MTIF2: variants seen among roughly 807,000 people sequenced by gnomAD.
MTIF2 encodes the protein mitochondrial translational initiation factor 2.
In MTIF2, 71 loss-of-function variants were observed where a neutral mutation model predicts 83.5. That is an observed-to-expected ratio of 0.85 (90% confidence interval 0.70 to 1.04). The LOEUF is 1.04. MTIF2 is among the 50% of genes least tolerant of loss of function. The pLI is 0.00. For missense variants in MTIF2, 957 were observed against 846.5 expected, an observed-to-expected ratio of 1.13 and a Z score of -1.62; for synonymous variants, 319 against 287.1, an observed-to-expected ratio of 1.11 and a Z score of -1.12.
At chr2:55,239,957 AT>A (rs1338381908) in intron 14 of MTIF2, 53 bp downstream of exon 14, 11 of 1,498,052 alleles carry the variant, frequency 7.3e-6, no homozygotes, top group Non-Finnish European at 9.1e-7. Flanking sequence ...TTGAAGTGCT[AT>A]TTATAGCACC....
chr2:55,241,107 T>G (rs188143638), intron 13 of MTIF2, among the ~76,000 whole-genome samples: 2 of 152,082 alleles, frequency 1.3e-5, no homozygotes, highest in South Asian at 2.1e-4. Flanking sequence ...ACTCTTGTCT[T>G]AAACAAAATG....
rs1213603899 is a variant in MTIF2 at position 55,254,827 on chromosome 2, T to G, written c.332-2A>C. On this transcript the variant is annotated splice_acceptor_variant, in intron 5 of 15. Transcript: ENST00000263629. LOFTEE classifies it high-confidence loss of function. ...TCAATAAAGCTTCATATACATAATCTGATTGGAATAAAATAAAACCTTTTA... is the reference window on the plus strand; with the variant it reads ...TCAATAAAGCTTCATATACATAATCGGATTGGAATAAAATAAAACCTTTTA... The G allele has an allele frequency of 2.6e-5, 40 of 1,546,064 alleles. No individual in the cohort carries two copies. The highest frequency in any genetic ancestry group is 3.4e-5 in the Non-Finnish European group (39 of 1,149,728).
At chr2:55,264,719 A>C (rs953626597) in intron 3 of MTIF2, among the ~76,000 whole-genome samples, 1 of 152,198 alleles carries the variant, frequency 6.6e-6, no homozygotes, top group African/African-American at 2.4e-5. Flanking sequence ...CCCTAAAAAA[A>C]GATGCTTTAT....
At chr2:55,248,095 GC>G (rs980941091) in intron 9 of MTIF2, among the ~76,000 whole-genome samples, 1 of 152,066 alleles carries the variant, frequency 6.6e-6, no homozygotes, top group African/African-American at 2.4e-5. Flanking sequence ...TCATCATGTT[GC>G]CCAGGCTGGT....
chr2:55,264,708 C>A (rs1423089190), intron 3 of MTIF2, among the ~76,000 whole-genome samples: 2 of 151,966 alleles, frequency 1.3e-5, no homozygotes, highest in East Asian at 1.9e-4. Context: ...CCCATCTCAC[C>A]CCCTAAAAAA....
intron 10 of MTIF2, among the ~76,000 whole-genome samples, chr2:55,245,291 G>A (rs1676610252): frequency 6.6e-6 from 1 of 152,160 alleles, no homozygotes; most frequent in Non-Finnish European, 1.5e-5. Context: ...GGAGGCTGAG[G>A]CGGTTGGATC....
chr2:55,262,285 A>G (rs1678063513), intron 5 of MTIF2, 31 bp downstream of exon 5: 2 of 1,458,112 alleles, frequency 1.4e-6, no homozygotes, highest in African/African-American at 1.4e-5. Flanking sequence ...CAACATTCCC[A>G]TATTTTGCTT....
intron 3 of MTIF2, among the ~76,000 whole-genome samples, 161 bp downstream of exon 3, chr2:55,267,408 C>G (rs1678519392): frequency 6.6e-6 from 1 of 152,178 alleles, no homozygotes; most frequent in Non-Finnish European, 1.5e-5. Flanking sequence ...ATCTATCCGC[C>G]TTGGCCTCCC....
intron 8 of MTIF2, among the ~76,000 whole-genome samples, chr2:55,251,632 CT>C (rs1430410819): frequency 6.6e-6 from 1 of 151,860 alleles, no homozygotes; most frequent in African/African-American, 2.4e-5. Flanking sequence ...GAATGTGTAA[CT>C]TTTTTTTGAG....
At chr2:55,251,664 C>G (rs1677102771) in intron 8 of MTIF2, among the ~76,000 whole-genome samples, 1 of 152,144 alleles carries the variant, frequency 6.6e-6, no homozygotes, top group Non-Finnish European at 1.5e-5. Flanking sequence ...GCTTTTGTTG[C>G]CCAGGCTGGA....
chr2:55,240,320 C>A (rs1471908904), intron 13 of MTIF2, 145 bp from the exon 14 acceptor site: 3 of 724,384 alleles, frequency 4.1e-6, no homozygotes, highest in East Asian at 2.9e-5. Context: ...GTGGCTCACG[C>A]CTGTAATCCC....
At chr2:55,237,944 C>T (rs1480055449) in intron 14 of MTIF2, among the ~76,000 whole-genome samples, 1 of 152,170 alleles carries the variant, frequency 6.6e-6, no homozygotes, top group Non-Finnish European at 1.5e-5. Flanking sequence ...AGCCACTGCA[C>T]CCAGCCATCT....
In MTIF2 at chr2:55,249,421, G is replaced by A. The variant is rs201074119; in HGVS notation, c.955C>T (p.Gln319Ter). Residue 319 changes from glutamine (Q) to a stop codon, truncating the protein, a stop_gained, in exon 9 of 16, where the codon CAA becomes TAA. Transcript: ENST00000263629. LOFTEE classifies it high-confidence loss of function. ...GTAAGTGCGGAGACAGGCACTGCTT[G>A]AACATCACCTCCATAATCTTCACAT... ...VVCEDYGGDVQAVPVSALTGD... is the reference protein window; with the variant it reads ...VVCEDYGGDV The A allele has an allele frequency of 6.2e-7, 1 of 1,614,128 alleles. No individual in the cohort carries two copies. Among genetic ancestry groups the A allele is most frequent in the African/African-American group, 1.3e-5 (1 of 75,038 alleles).
chr2:55,246,571 C>A, intron 9 of MTIF2, 110 bp from the exon 10 acceptor site: 1 of 887,344 alleles, frequency 1.1e-6, no homozygotes, highest in Non-Finnish European at 1.7e-6. Context: ...ATACTTTTCT[C>A]TTTAATCATT....
chr2:55,237,138 A>G, intron 15 of MTIF2, 150 bp downstream of exon 15: 3 of 918,682 alleles, frequency 3.3e-6, no homozygotes, highest in East Asian at 5.1e-5. Flanking sequence ...GAACCCATCA[A>G]CTACAGACAA....
In MTIF2 at chr2:55,267,631, G is replaced by C. The variant is rs1274315655; in HGVS notation, c.-70C>G. On this transcript the variant is annotated 5_prime_UTR_variant, in exon 3 of 16. It adds an upstream start codon to the 5' untranslated region. Transcript: ENST00000263629. Reference sequence around the variant, plus strand: ...TGTTTCCTATGGGCCTCATTTTCCGGATCTCTGTTAAAAATAAATAAATAA... The same window carrying C: ...TGTTTCCTATGGGCCTCATTTTCCGCATCTCTGTTAAAAATAAATAAATAA... 1.9e-4 allele frequency: 32 copies of C among 165,542 alleles called. No homozygotes were observed. The Admixed American group carries it at 2.1e-3, about 11-fold the overall frequency. 10.3% of individuals were successfully genotyped at this position (165,542 alleles called of 1,614,324 possible). A position where few individuals can be genotyped will look rare whatever the true frequency, so the allele number is the denominator to read the frequency against.
intron 14 of MTIF2, among the ~76,000 whole-genome samples, chr2:55,238,394 T>TTG (rs1333545605): frequency 2.1e-4 from 31 of 148,788 alleles, no homozygotes; most frequent in Admixed American, 1.9e-3. Context: ...GCCTGGTTTT[T>TTG]TTTTTTTTTT....
intron 4 of MTIF2, among the ~76,000 whole-genome samples, 169 bp downstream of exon 4, chr2:55,263,471 G>A (rs989953277): frequency 3.3e-5 from 5 of 152,154 alleles, no homozygotes; most frequent in African/African-American, 7.2e-5. Flanking sequence ...TATAGCGGGT[G>A]CGGTGGCTAA....
Position 55,263,632 on chromosome 2 carries a change from G to C in MTIF2, c.219+8C>G, listed in dbSNP as rs775304943. 4 of 1,565,802 alleles carry C rather than the reference G, an allele frequency of 2.6e-6. No homozygotes were observed. In the African/African-American group the frequency reaches 4.1e-5, roughly 16 times the overall value. ...CTCAAAAAAAAAAAAAAAGAAATCT[G>C]TAACTACCTTTTTTGTTACTAGAAG... On this transcript the variant is annotated splice_region_variant and intron_variant, in intron 4 of 15. Coordinates refer to ENST00000263629, the MANE Select transcript of MTIF2 (RefSeq NM_002453.3).
Sources: allele counts gnomAD v4.1 joint callset (sites outside exome capture counted in the v4.1 genomes callset), GRCh38; gene constraint gnomAD v4.1.1; transcripts MANE v1.5; gene names NCBI Gene and HGNC (gene_info 2026-07-23, HGNC 2026-07-21).